MYOCOS: variants seen among roughly 807,000 people sequenced by gnomAD.
The protein encoded by MYOCOS is myocilin opposite strand.
chr1:171,614,011 T>C (rs1360562614), intron 1 of MYOCOS, among the ~76,000 whole-genome samples: 1 of 152,176 alleles, frequency 6.6e-6, no homozygotes, highest in African/African-American at 2.4e-5. Flanking sequence ...GCATTGTCCT[T>C]ATAATTAGTA....
chr1:171,623,166 C>T (rs1302867069), intron 1 of MYOCOS, among the ~76,000 whole-genome samples: 1 of 152,076 alleles, frequency 6.6e-6, no homozygotes, highest in Non-Finnish European at 1.5e-5. Flanking sequence ...TGCTACACTC[C>T]AGCCTTGGTG....
upstream of MYOCOS, among the ~76,000 whole-genome samples, chr1:171,618,417 G>T (rs897863575): frequency 6.6e-6 from 1 of 152,182 alleles, no homozygotes; most frequent in Admixed American, 6.5e-5. Context: ...TCGTGATAGC[G>T]AGCTAGTGCA....
chr1:171,620,776 T>TTTC (rs1192412716), upstream of MYOCOS, among the ~76,000 whole-genome samples: 5 of 147,046 alleles, frequency 3.4e-5, no homozygotes, highest in African/African-American at 5.0e-5. Flanking sequence ...TTTCTTTCTT[T>TTTC]TTTTTTTTTT....
At chr1:171,626,212 A>C (rs568534037) in intron 2 of MYOCOS, among the ~76,000 whole-genome samples, 1 of 152,170 alleles carries the variant, frequency 6.6e-6, no homozygotes, top group East Asian at 1.9e-4. Context: ...CCTCCCAAGT[A>C]GCTGGGACCA....
chr1:171,605,259 C>T (rs557495612), intron 1 of MYOCOS, among the ~76,000 whole-genome samples: 41 of 152,032 alleles, frequency 2.7e-4, no homozygotes, highest in African/African-American at 9.6e-4. Context: ...CTGATCATTT[C>T]TAGGTTCTAA....
chr1:171,603,696 G>A (rs1652188223), intron 1 of MYOCOS, among the ~76,000 whole-genome samples: 1 of 152,232 alleles, frequency 6.6e-6, no homozygotes, highest in African/African-American at 2.4e-5. Flanking sequence ...TACACTCTAT[G>A]TGTCAAAAAG....
At chr1:171,607,093 C>CA (rs35353881) in intron 1 of MYOCOS, among the ~76,000 whole-genome samples, 1,682 of 65,902 alleles carry the variant, frequency 0.026, 29 homozygotes, top group Non-Finnish European at 0.029. Context: ...GACTCTGTCT[C>CA]AAAAAAAAAA....
At chr1:171,622,918 G>T (rs763221) in intron 1 of MYOCOS, among the ~76,000 whole-genome samples, 68,096 of 151,994 alleles carry the variant, frequency 0.45, 15,358 homozygotes, top group Non-Finnish European at 0.48. Context: ...GTGGGTTTAC[G>T]GTGGTTATCA....
intron 1 of MYOCOS, among the ~76,000 whole-genome samples, chr1:171,605,394 C>CACACACACACA (rs376886204): frequency 1.1e-4 from 14 of 127,556 alleles, no homozygotes; most frequent in African/African-American, 1.9e-4. Context: ...CACACACACA[C>CACACACACACA]AAAAAAAAAA....
upstream of MYOCOS, among the ~76,000 whole-genome samples, chr1:171,619,198 C>T (rs768489455): frequency 2.0e-4 from 30 of 152,192 alleles, no homozygotes; most frequent in South Asian, 2.1e-4. Context: ...TAGCTCATTA[C>T]ATCTTATCCT....
intron 1 of MYOCOS, among the ~76,000 whole-genome samples, chr1:171,604,607 C>T (rs1652209179): frequency 6.6e-6 from 1 of 152,042 alleles, no homozygotes; most frequent in South Asian, 2.1e-4. Context: ...ATAGCTAGAA[C>T]AGAAGAAAGA....
chr1:171,602,534 T>C (rs1010554555), intron 1 of MYOCOS, among the ~76,000 whole-genome samples: 6 of 152,126 alleles, frequency 3.9e-5, no homozygotes, highest in Non-Finnish European at 7.4e-5. Context: ...GACATTAAAG[T>C]AAAAATGCAA....
chr1:171,612,224 A>T (rs539026740), intron 1 of MYOCOS, among the ~76,000 whole-genome samples: 39 of 152,118 alleles, frequency 2.6e-4, no homozygotes, highest in African/African-American at 9.4e-4. Flanking sequence ...GGTTACAGGC[A>T]TCTGCCACCA....
intron 2 of MYOCOS, among the ~76,000 whole-genome samples, chr1:171,624,224 C>A (rs1652643121): frequency 6.6e-6 from 1 of 152,118 alleles, no homozygotes; most frequent in African/African-American, 2.4e-5. Flanking sequence ...GTGGTCGTGG[C>A]TCTTGATAGA....
At chr1:171,618,979 A>C (rs1051352664), upstream of MYOCOS, among the ~76,000 whole-genome samples, 5 of 152,158 alleles carry the variant, frequency 3.3e-5, no homozygotes, top group African/African-American at 7.2e-5. Flanking sequence ...ATAATTTCAA[A>C]CTATTTTTCA....
intron 1 of MYOCOS, chr1:171,604,472 A>G (rs748758969): frequency 2.2e-4 from 33 of 152,214 alleles, no homozygotes; most frequent in African/African-American, 7.7e-4. Flanking sequence ...GACACCCAGT[A>G]CAAAGTATAT....
chr1:171,620,499 C>G (rs1367926425), upstream of MYOCOS, among the ~76,000 whole-genome samples: 1 of 152,096 alleles, frequency 6.6e-6, no homozygotes, highest in African/African-American at 2.4e-5. Context: ...CCCTCCCAAT[C>G]CTAAAGAGAT....
intron 2 of MYOCOS, among the ~76,000 whole-genome samples, chr1:171,625,490 A>G (rs116201794): frequency 6.6e-6 from 1 of 152,352 alleles, no homozygotes; most frequent in Non-Finnish European, 1.5e-5. Context: ...ACATGTGGTT[A>G]GTTTCTAGGT....
At chr1:171,610,265 T>C (rs931710872) in intron 1 of MYOCOS, among the ~76,000 whole-genome samples, 1 of 152,172 alleles carries the variant, frequency 6.6e-6, no homozygotes, top group African/African-American at 2.4e-5. Context: ...TGTCCCACCA[T>C]GTTTGCAGGG....
Sources: allele counts gnomAD v4.1 joint callset (sites outside exome capture counted in the v4.1 genomes callset), GRCh38; gene constraint gnomAD v4.1.1; transcripts MANE v1.5; gene names NCBI Gene and HGNC (gene_info 2026-07-23, HGNC 2026-07-21).